Variants in FRMD6 observed in about 807,000 individuals in gnomAD.
FRMD6 encodes the protein FERM domain-containing protein 6.
In FRMD6, 37 loss-of-function variants were observed where a neutral mutation model predicts 73.2. The ratio of observed to expected loss-of-function variants is 0.51; its 90% CI spans 0.39 to 0.66. The LOEUF (loss-of-function observed/expected upper bound fraction) is 0.66, where lower values mean the gene tolerates loss of function less well. FRMD6 is among the 30% of genes least tolerant of loss of function. The probability of loss-of-function intolerance (pLI) is 0.00; values close to 1 mark genes in which losing one functional copy is unlikely to be tolerated. For missense variants in FRMD6, 714 were observed against 780.5 expected (o/e 0.91, Z 1.02); for synonymous variants, 273 against 282.2 (o/e 0.97, Z 0.33).
chr14:51,667,286 C>T (rs1364014061), intron 1 of FRMD6, among the ~76,000 whole-genome samples: 1 of 151,982 alleles, frequency 6.6e-6, no homozygotes, highest in Non-Finnish European at 1.5e-5. Flanking sequence ...AGTAATCCCC[C>T]AACAGTTACT....
Position 51,701,104 on chromosome 14 carries a change from G to A in FRMD6, c.239G>A (p.Cys80Tyr). ...MELSQKLYKY[C>Y]PKEWKKEASK... Reference sequence around the variant, plus strand: ...TTGTCACAAAAGCTTTACAAATATTGTCCAAAAGAATGGAAGAAAGAGGCC... The same window carrying A: ...TTGTCACAAAAGCTTTACAAATATTATCCAAAAGAATGGAAGAAAGAGGCC... Residue 80 changes from cysteine (C) to tyrosine (Y), a missense_variant, in exon 4 of 14, where the codon TGT (cysteine) becomes TAT (tyrosine). Transcript: ENST00000344768. 1 of 1,576,990 alleles carries A rather than the reference G, an allele frequency of 6.3e-7. No individual in the cohort carries two copies. The highest frequency in any genetic ancestry group is 8.6e-7 in the Non-Finnish European group (1 of 1,158,228).
chr14:51,607,077 C>A (rs1482442161), intron 2 of FRMD6, among the ~76,000 whole-genome samples: 1 of 152,078 alleles, frequency 6.6e-6, no homozygotes, highest in Non-Finnish European at 1.5e-5. Flanking sequence ...GGTCTTCCCC[C>A]ACTACTCCCC....
chr14:51,467,884 G>A, the FRMD6 span, among the ~76,000 whole-genome samples: 1 of 152,174 alleles, frequency 6.6e-6, no homozygotes, highest in Non-Finnish European at 1.5e-5. Flanking sequence ...CTTCTTAGAC[G>A]GGATGGCGGC....
intron 2 of FRMD6, among the ~76,000 whole-genome samples, chr14:51,696,018 A>T (rs374610174): frequency 6.6e-6 from 1 of 152,116 alleles, no homozygotes; most frequent in Non-Finnish European, 1.5e-5. Context: ...TAAACTCATT[A>T]TCATTGAAAA....
At chr14:51,634,872 T>C (rs1891487665) in intron 2 of FRMD6, among the ~76,000 whole-genome samples, 1 of 152,228 alleles carries the variant, frequency 6.6e-6, no homozygotes, top group African/African-American at 2.4e-5. Flanking sequence ...TTAAATTATC[T>C]ATATATTTTT....
chr14:51,578,952 T>G (rs1225225861), intron 2 of FRMD6: 1 of 152,158 alleles, frequency 6.6e-6, no homozygotes, highest in Non-Finnish European at 1.5e-5. Context: ...AAATGATAGG[T>G]TTCCTTTTCT....
Position 51,671,674 on chromosome 14 carries a change from C to T in FRMD6, c.-146-18017C>T, listed in dbSNP as rs550784749. ...AGCTTGGGTGGAAGAATGGTGAAAT[C>T]ACTGGTGCTTTAGAAAAAGTTTATG... On this transcript the variant is annotated intron_variant, in intron 1 of 13. Transcript: ENST00000344768. 3.0e-4 allele frequency among the ~76,000 whole-genome samples: 45 copies of T among 152,196 alleles called. No individual in the cohort carries two copies. The East Asian group carries it at 8.7e-3, about 29-fold the overall frequency.
intron 2 of FRMD6, among the ~76,000 whole-genome samples, chr14:51,607,063 G>A (rs568063483): frequency 6.6e-6 from 1 of 152,108 alleles, no homozygotes; most frequent in South Asian, 2.1e-4. Context: ...CCACACTGAG[G>A]GTGGGTCTTC....
chr14:51,430,848 A>G, the FRMD6 span, among the ~76,000 whole-genome samples: 1 of 152,194 alleles, frequency 6.6e-6, no homozygotes. Context: ...GCTTGCAAGA[A>G]TGCTTGGGAT....
At chr14:51,634,227 A>G (rs1891456231) in intron 2 of FRMD6, among the ~76,000 whole-genome samples, 1 of 152,222 alleles carries the variant, frequency 6.6e-6, no homozygotes, top group Non-Finnish European at 1.5e-5. Context: ...TACTCTTATT[A>G]CACGTTGGGA....
chr14:51,570,017 A>G (rs60050051), intron 1 of FRMD6, among the ~76,000 whole-genome samples: 198 of 151,982 alleles, frequency 1.3e-3, no homozygotes, highest in East Asian at 9.3e-3. Context: ...GGGTTTCACC[A>G]TGTTAGCCAG....
chr14:51,497,299 C>T (rs919890958), intron 1 of FRMD6, among the ~76,000 whole-genome samples: 1 of 149,506 alleles, frequency 6.7e-6, no homozygotes, highest in Non-Finnish European at 1.5e-5. Flanking sequence ...CAGCCTGTTG[C>T]TTGCTTGTAG....
At chr14:51,508,660 G>A (rs999282759) in intron 1 of FRMD6, among the ~76,000 whole-genome samples, 1 of 152,210 alleles carries the variant, frequency 6.6e-6, no homozygotes, top group Admixed American at 6.5e-5. Flanking sequence ...CAAGGCTGTA[G>A]CCCGACTGGA....
chr14:51,556,109 A>C (rs981035717), intron 1 of FRMD6, among the ~76,000 whole-genome samples: 1 of 152,192 alleles, frequency 6.6e-6, no homozygotes, highest in African/African-American at 2.4e-5. Flanking sequence ...TTGCATCAAC[A>C]CATTTTGGTG....
chr14:51,625,765 C>T (rs1323202094), intron 2 of FRMD6, among the ~76,000 whole-genome samples: 1 of 151,926 alleles, frequency 6.6e-6, no homozygotes, highest in East Asian at 1.9e-4. Context: ...ATTTTAGGTC[C>T]ACCTAGATCT....
At chr14:51,592,296 G>T (rs185158649) in intron 2 of FRMD6, among the ~76,000 whole-genome samples, 2 of 152,170 alleles carry the variant, frequency 1.3e-5, no homozygotes, top group South Asian at 4.1e-4. Context: ...AATATTGTTA[G>T]GATGCCTTGT....
intron 3 of FRMD6, among the ~76,000 whole-genome samples, chr14:51,700,197 A>G (rs917256561): frequency 6.6e-6 from 1 of 151,972 alleles, no homozygotes; most frequent in African/African-American, 2.4e-5. Flanking sequence ...AGTTAGAATA[A>G]AAGGAGTTTA....
chr14:51,628,935 GAC>G (rs1391342258), intron 2 of FRMD6, among the ~76,000 whole-genome samples: 1 of 127,918 alleles, frequency 7.8e-6, no homozygotes, highest in Non-Finnish European at 1.6e-5. Flanking sequence ...GGAGTGCAGT[GAC>G]GCAATCTCGG....
chr14:51,675,755 C>G (rs1894345261), intron 1 of FRMD6, among the ~76,000 whole-genome samples: 1 of 151,968 alleles, frequency 6.6e-6, no homozygotes. Context: ...TGGAGCCTCA[C>G]TTTGCATCAT....
Sources: allele counts gnomAD v4.1 joint callset (sites outside exome capture counted in the v4.1 genomes callset), GRCh38; gene constraint gnomAD v4.1.1; transcripts MANE v1.5; gene names NCBI Gene and HGNC (gene_info 2026-07-23, HGNC 2026-07-21).